CLMP: variants seen among roughly 807,000 people sequenced by gnomAD.
The protein encoded by CLMP is CXADR-like membrane protein.
Under a neutral mutation model 45.2 loss-of-function variants are expected in CLMP, and 27 were observed. The ratio of observed to expected loss-of-function variants is 0.60; its 90% confidence interval spans 0.44 to 0.82. CLMP has a LOEUF of 0.82. Among genes scored for constraint, CLMP ranks in the 40% least tolerant of loss-of-function variants. The probability of loss-of-function intolerance (pLI) is 0.00; values close to 1 mark genes in which losing one functional copy is unlikely to be tolerated. For missense variants in CLMP, 403 were observed against 448.4 expected (o/e 0.90, Z 0.91); for synonymous variants, 167 against 171.4 (o/e 0.97, Z 0.20).
At chr11:123,152,562 AT>A (rs1476578184) in intron 1 of CLMP, among the ~76,000 whole-genome samples, 1 of 150,508 alleles carries the variant, frequency 6.6e-6, no homozygotes, top group Non-Finnish European at 1.5e-5. Context: ...AAATAAATAA[AT>A]AAAAAATAAA....
Position 123,130,695 on chromosome 11 carries a change from G to A in CLMP, c.29-32743C>T, listed in dbSNP as rs116276201. 4.7e-3 allele frequency among the ~76,000 whole-genome samples: 689 copies of A among 146,446 alleles called. 3 individuals carry two copies. The highest frequency in any genetic ancestry group is 0.016 in the African/African-American group (649 of 40,454). On this transcript the variant is annotated intron_variant, in intron 1 of 6. Coordinates refer to ENST00000448775, the MANE Select transcript of CLMP (RefSeq NM_024769.5). ...GGTGAGGGTTGAGCTGTGGAAAAGGGTTGGGGAAAAAAAAGTAGTTCAGGA... is the reference window on the plus strand; with the variant it reads ...GGTGAGGGTTGAGCTGTGGAAAAGGATTGGGGAAAAAAAAGTAGTTCAGGA...
chr11:123,073,287 C>T lies in CLMP; in HGVS notation c.*187G>A, dbSNP rs1252609931. The T allele has an allele frequency of 1.6e-6, 1 of 631,558 alleles. No individual in the cohort carries two copies. Among genetic ancestry groups the T allele is most frequent in the Non-Finnish European group, 2.6e-6 (1 of 378,792 alleles). 39.1% of individuals were successfully genotyped at this position (631,558 alleles called of 1,614,324 possible). On this transcript the variant is annotated 3_prime_UTR_variant, in exon 7 of 7. Transcript: ENST00000448775. The stretch of plus-strand genomic sequence containing the variant: ...AGATGCCTTTTTACAGATGAATCAG[C>T]TTACATCCTTTTGCTTGTTTGGTAT...
intron 5 of CLMP, among the ~76,000 whole-genome samples, chr11:123,077,061 C>T (rs891772634): frequency 7.2e-5 from 10 of 139,168 alleles, no homozygotes; most frequent in Admixed American, 5.5e-4. Flanking sequence ...TGCAATGGCG[C>T]GATCTCAGCT....
chr11:123,178,928 G>A (rs1156364660), intron 1 of CLMP, among the ~76,000 whole-genome samples: 1 of 152,192 alleles, frequency 6.6e-6, no homozygotes, highest in Non-Finnish European at 1.5e-5. Context: ...AAAACGTCTA[G>A]CACAGTGTCT....
intron 1 of CLMP, among the ~76,000 whole-genome samples, chr11:123,137,147 C>CTTTTTTTTTTTTTT (rs375816483): frequency 4.1e-3 from 340 of 82,472 alleles, no homozygotes; most frequent in Middle Eastern, 0.013. Flanking sequence ...TTTTCTTTTT[C>CTTTTTTTTTTTTTT]TTTTTTTTTT....
At chr11:123,080,344 T>TG (rs71057329) in intron 5 of CLMP, among the ~76,000 whole-genome samples, 2 of 141,078 alleles carry the variant, frequency 1.4e-5, no homozygotes, top group African/African-American at 2.8e-5. Flanking sequence ...TTTTTTTTTT[T>TG]GGAGATGGAG....
intron 1 of CLMP, among the ~76,000 whole-genome samples, chr11:123,189,092 G>A (rs1490095040): frequency 6.6e-6 from 1 of 152,230 alleles, no homozygotes; most frequent in Admixed American, 6.5e-5. Flanking sequence ...CATACATGAT[G>A]TGTGTAGAAG....
At chr11:123,095,560 G>T (rs574215929) in intron 2 of CLMP, among the ~76,000 whole-genome samples, 1 of 152,130 alleles carries the variant, frequency 6.6e-6, no homozygotes, top group Admixed American at 6.6e-5. Flanking sequence ...GTGAGCCACC[G>T]CACCTGGCCA....
intron 1 of CLMP, among the ~76,000 whole-genome samples, chr11:123,129,605 ATATAT>A (rs1301218873): frequency 2.8e-5 from 4 of 140,952 alleles, no homozygotes; most frequent in African/African-American, 5.2e-5. Context: ...AGTATATAAT[ATATAT>A]TATATTTATA....
chr11:123,075,763 T>A (rs570495307), intron 5 of CLMP, among the ~76,000 whole-genome samples: 1 of 152,290 alleles, frequency 6.6e-6, no homozygotes, highest in East Asian at 1.9e-4. Flanking sequence ...TCATAGCATG[T>A]CTGAAGATTT....
chr11:123,184,692 A>G (rs1861811143), intron 1 of CLMP, among the ~76,000 whole-genome samples: 1 of 152,236 alleles, frequency 6.6e-6, no homozygotes, highest in Non-Finnish European at 1.5e-5. Flanking sequence ...GACCACTAAT[A>G]AGGCTAAAGT....
At chr11:123,087,801 CAG>C (rs1166769522) in intron 2 of CLMP, among the ~76,000 whole-genome samples, 8 of 152,132 alleles carry the variant, frequency 5.3e-5, no homozygotes, top group Admixed American at 3.3e-4. Flanking sequence ...AGCCTAGGGA[CAG>C]AGTGAGACTC....
intron 1 of CLMP, among the ~76,000 whole-genome samples, chr11:123,114,733 T>C (rs1860696541): frequency 6.6e-6 from 1 of 152,156 alleles, no homozygotes; most frequent in Admixed American, 6.5e-5. Context: ...TTTTGAGGAC[T>C]TATTATGTGC....
At chr11:123,097,478 C>T (rs1866004097) in intron 2 of CLMP, among the ~76,000 whole-genome samples, 1 of 152,098 alleles carries the variant, frequency 6.6e-6, no homozygotes. Flanking sequence ...GCTAGGTTTA[C>T]AGGCATAGGC....
At chr11:123,113,529 TGACCTTCCAGACTGAATG>T (rs1162482047) in intron 1 of CLMP, among the ~76,000 whole-genome samples, 51 of 152,324 alleles carry the variant, frequency 3.3e-4, no homozygotes, top group African/African-American at 1.2e-3. Context: ...TGGCAGGCGA[TGACCTTCCAGACTGAATG>T]GCAGCCTTAG....
chr11:123,170,000 C>T (rs12287033), intron 1 of CLMP, among the ~76,000 whole-genome samples: 4,981 of 152,226 alleles, frequency 0.033, 234 homozygotes, highest in African/African-American at 0.11. Context: ...CCAGGTACGG[C>T]TTCAGAGACA....
intron 1 of CLMP, among the ~76,000 whole-genome samples, chr11:123,135,091 C>A (rs113801762): frequency 6.6e-6 from 1 of 151,940 alleles, no homozygotes; most frequent in Non-Finnish European, 1.5e-5. Flanking sequence ...GAAACCCCGT[C>A]TCTACTAAAA....
chr11:123,072,868 A>G lies in CLMP; in HGVS notation c.*606T>C, dbSNP rs2135458824. ...GGGAGAAACTCATTCACTCTTCTCC[A>G]TCTCCCACTATTTCAACTCCCCTTG... is the stretch of plus-strand genomic sequence containing the variant. On this transcript the variant is annotated 3_prime_UTR_variant, in exon 7 of 7. Coordinates refer to ENST00000448775, the MANE Select transcript of CLMP (RefSeq NM_024769.5). The G allele has an allele frequency of 6.6e-6, 1 of 152,398 alleles. No individual in the cohort carries two copies. Among genetic ancestry groups the G allele is most frequent in the African/African-American group, 2.4e-5 (1 of 41,580 alleles). 9.4% of individuals were successfully genotyped at this position (152,398 alleles called of 1,614,324 possible). A position where few individuals can be genotyped will look rare whatever the true frequency, so the allele number is the denominator to read the frequency against.
rs771632957 is a variant in CLMP at position 123,084,683 on chromosome 11, T to A, written c.217A>T (p.Asn73Tyr). The change falls in exon 3 of 7, where the codon AAT becomes TAT. Residue 73 changes from asparagine to tyrosine, a missense_variant. Physicochemically the swap from Asn to Tyr is moderately radical, Grantham distance 143. Transcript: ENST00000448775. ...VITYSSRHVY[N>Y]NLTEEQKGRV... ...CCCTTCTGTTCCTCAGTCAAGTTAT[T>A]GTAGACATGACGACTGGAGTAAGTG... 6.2e-7 allele frequency: 1 copy of A among 1,614,172 alleles called. No homozygotes were observed. Among genetic ancestry groups the A allele is most frequent in the South Asian group, 1.1e-5 (1 of 91,086 alleles).
Sources: allele counts gnomAD v4.1 joint callset (sites outside exome capture counted in the v4.1 genomes callset), GRCh38; gene constraint gnomAD v4.1.1; transcripts MANE v1.5; gene names NCBI Gene and HGNC (gene_info 2026-07-23, HGNC 2026-07-21).